Variants in UGT2B7 observed in about 807,000 individuals in gnomAD.
The protein encoded by UGT2B7 is UDP-glucuronosyltransferase 2B7.
Under a neutral mutation model 51.9 loss-of-function variants are expected in UGT2B7, and 51 were observed. That is an observed-to-expected ratio of 0.98 (90% confidence interval 0.78 to 1.24). The LOEUF (loss-of-function observed/expected upper bound fraction) is 1.24. UGT2B7 is among the 50% of genes most tolerant of loss of function. UGT2B7 has a pLI of 0.00. For missense variants in UGT2B7, 727 were observed against 628.4 expected (o/e 1.16, Z -1.68); for synonymous variants, 225 against 211.6 (o/e 1.06, Z -0.55).
chr4:69,090,507 G>A (rs919715777), intron 2 of UGT2B7, among the ~76,000 whole-genome samples: 2 of 151,546 alleles, frequency 1.3e-5, no homozygotes, highest in Non-Finnish European at 2.9e-5. Flanking sequence ...AGGAGCAAAG[G>A]AGACATGAAA....
At chr4:69,064,100 A>AAGAGAGAGAGAGAGAG (rs1718431277) in intron 1 of UGT2B7, among the ~76,000 whole-genome samples, 7 of 104,702 alleles carry the variant, frequency 6.7e-5, no homozygotes, top group Admixed American at 9.7e-5. Context: ...AAGAAAGAGA[A>AAGAGAGAGAGAGAGAG]AGAAAGAAAG....
intron 1 of UGT2B7, among the ~76,000 whole-genome samples, chr4:69,080,465 A>G (rs769216912): frequency 6.6e-6 from 1 of 151,686 alleles, no homozygotes; most frequent in African/African-American, 2.4e-5. Flanking sequence ...CAAGAATTGC[A>G]TGAACCAAGA....
At chr4:69,064,041 A>G (rs1489939655) in intron 1 of UGT2B7, among the ~76,000 whole-genome samples, 2 of 100,326 alleles carry the variant, frequency 2.0e-5, no homozygotes, top group Non-Finnish European at 3.7e-5. Flanking sequence ...AGAAAGAAAG[A>G]AAGAAAGAAA....
chr4:69,064,069 AAAGAAAGAAAG>A (rs1718423374), intron 1 of UGT2B7, among the ~76,000 whole-genome samples: 2 of 109,112 alleles, frequency 1.8e-5, no homozygotes, highest in African/African-American at 1.0e-4. Flanking sequence ...AGAAAGAAAG[AAAGAAAGAAAG>A]AAAGAAAGAA....
chr4:69,107,271 C>A lies in UGT2B7; in HGVS notation c.1090+9C>A, dbSNP rs1363868726. On this transcript the variant is annotated intron_variant, in intron 4 of 5. Transcript: ENST00000305231. ...CCAGAATGACCTTCTAGGTAAGACT[C>A]TGGTGAACAAATACTGAATATATTA... The A allele has an allele frequency of 1.9e-6, 3 of 1,598,060 alleles. No individual in the cohort carries two copies. Among genetic ancestry groups the A allele is most frequent in the Admixed American group, 1.7e-5 (1 of 58,220 alleles).
intron 2 of UGT2B7, among the ~76,000 whole-genome samples, chr4:69,090,458 TTTC>T: frequency 7.6e-6 from 1 of 132,322 alleles, no homozygotes; most frequent in South Asian, 2.6e-4. Flanking sequence ...GTAACTTCTT[TTTC>T]TTTTTTAATT....
intron 1 of UGT2B7, among the ~76,000 whole-genome samples, chr4:69,060,514 C>A (rs1441488718): frequency 6.6e-6 from 1 of 152,178 alleles, no homozygotes; most frequent in Non-Finnish European, 1.5e-5. Flanking sequence ...GACTCAGGCC[C>A]CAACTTTAGG....
At chr4:69,078,899 C>T (rs962541634) in intron 1 of UGT2B7, among the ~76,000 whole-genome samples, 38 of 152,098 alleles carry the variant, frequency 2.5e-4, no homozygotes, top group Non-Finnish European at 5.0e-4. Context: ...TGGAATGTCA[C>T]ACATCCTGCC....
At chr4:69,078,890 G>A (rs1159128033) in intron 1 of UGT2B7, among the ~76,000 whole-genome samples, 1 of 152,110 alleles carries the variant, frequency 6.6e-6, no homozygotes. Flanking sequence ...AGTGGTGGGT[G>A]GAATGTCACA....
intron 1 of UGT2B7, among the ~76,000 whole-genome samples, chr4:69,078,951 C>T (rs1345936042): frequency 6.6e-6 from 1 of 152,072 alleles, no homozygotes; most frequent in Non-Finnish European, 1.5e-5. Flanking sequence ...GCACACTCTA[C>T]CTGAACTCAC....
chr4:69,103,907 G>T (rs909646171), intron 3 of UGT2B7, among the ~76,000 whole-genome samples: 3 of 152,170 alleles, frequency 2.0e-5, no homozygotes, highest in Non-Finnish European at 4.4e-5. Flanking sequence ...AGTATAACAT[G>T]ATTGAATGTT....
intron 1 of UGT2B7, among the ~76,000 whole-genome samples, chr4:69,077,239 G>A (rs941058447): frequency 6.6e-6 from 1 of 151,978 alleles, no homozygotes; most frequent in Non-Finnish European, 1.5e-5. Context: ...TGGTCTTTTT[G>A]CTTAGGTTTG....
At chr4:69,062,829 T>C (rs11931604) in intron 1 of UGT2B7, among the ~76,000 whole-genome samples, 18,229 of 152,172 alleles carry the variant, frequency 0.12, 1,595 homozygotes, top group Admixed American at 0.24. Flanking sequence ...TGAATAAATG[T>C]GGCCAGAAAT....
At chr4:69,100,332 AT>A (rs35185848) in intron 2 of UGT2B7, among the ~76,000 whole-genome samples, 87,456 of 151,622 alleles carry the variant, frequency 0.58, 26,225 homozygotes, top group African/African-American at 0.71. Context: ...ATAAGATTAT[AT>A]TTTTTATGAA....
intron 2 of UGT2B7, among the ~76,000 whole-genome samples, chr4:69,091,446 A>G (rs568074175): frequency 8.2e-4 from 125 of 151,848 alleles, no homozygotes; most frequent in African/African-American, 2.8e-3. Flanking sequence ...GTTATATTTC[A>G]TGTATTTTTA....
At chr4:69,078,805 C>A (rs928108651) in intron 1 of UGT2B7, among the ~76,000 whole-genome samples, 1 of 152,046 alleles carries the variant, frequency 6.6e-6, no homozygotes, top group Non-Finnish European at 1.5e-5. Flanking sequence ...AAGGTGGGGA[C>A]AAGTGAAGTT....
intron 1 of UGT2B7, among the ~76,000 whole-genome samples, chr4:69,055,571 T>A (rs6422322): frequency 0.46 from 70,522 of 152,094 alleles, 17,880 homozygotes; most frequent in African/African-American, 0.67. Flanking sequence ...ATGAACTAAA[T>A]GTGCCAGTAC....
intron 1 of UGT2B7, among the ~76,000 whole-genome samples, chr4:69,058,062 G>C (rs1417882277): frequency 6.6e-6 from 1 of 152,218 alleles, no homozygotes; most frequent in East Asian, 1.9e-4. Context: ...GTAATCAGCT[G>C]TGCTGGCAGC....
intron 1 of UGT2B7, among the ~76,000 whole-genome samples, chr4:69,061,036 AG>A (rs1718334070): frequency 6.6e-6 from 1 of 152,184 alleles, no homozygotes. Flanking sequence ...TGATGGGAGC[AG>A]CTTCATACTA....
Sources: gnomAD v4.1 joint callset for allele counts (sites outside exome capture counted in the v4.1 genomes callset) on GRCh38, gnomAD v4.1.1 for gene constraint, MANE v1.5 for transcripts, NCBI Gene and HGNC (gene_info 2026-07-23, HGNC 2026-07-21) for gene names.